Variants in NUDT21 observed in about 807,000 individuals in gnomAD.
The protein encoded by NUDT21 is cleavage and polyadenylation specificity factor subunit 5.
Under a neutral mutation model 29.8 loss-of-function variants are expected in NUDT21, and 5 were observed. The ratio of observed to expected loss-of-function variants is 0.17; its 90% CI spans 0.09 to 0.35. The LOEUF is 0.35. Ranked by LOEUF, NUDT21 falls within the 10% of genes least tolerant of loss-of-function variation. NUDT21 has a pLI of 1.00. For missense variants in NUDT21, 76 were observed against 276.0 expected (o/e 0.28, Z 5.13); for synonymous variants, 113 against 98.5 (o/e 1.15, Z -0.87).
At chr16:56,443,491 T>C (rs991503557) in intron 3 of NUDT21, among the ~76,000 whole-genome samples, 9 of 152,294 alleles carry the variant, frequency 5.9e-5, no homozygotes, top group African/African-American at 1.9e-4. Context: ...ACATTATTTC[T>C]ATAGAAAATT....
chr16:56,445,335 G>T (rs1222026951), intron 3 of NUDT21, among the ~76,000 whole-genome samples: 2 of 152,138 alleles, frequency 1.3e-5, no homozygotes, highest in African/African-American at 4.8e-5. Flanking sequence ...GAGTACACAA[G>T]ATGTTTTGAT....
intron 4 of NUDT21, among the ~76,000 whole-genome samples, chr16:56,438,562 A>C (rs374300055): frequency 6.6e-6 from 1 of 152,230 alleles, no homozygotes; most frequent in East Asian, 1.9e-4. Context: ...CAACTCCCAG[A>C]GGCCTAAAGG....
intron 1 of NUDT21, chr16:56,449,041 A>C (rs1455230190): frequency 6.6e-6 from 1 of 152,236 alleles, no homozygotes; most frequent in Admixed American, 6.5e-5. Context: ...AATTTAAAGA[A>C]CATCCCCGGT....
In NUDT21 at chr16:56,430,871, G is replaced by A. The variant is rs1194023387; in HGVS notation, c.*1841C>T. 1 of 152,222 alleles carries A rather than the reference G, an allele frequency of 6.6e-6. No homozygotes were observed. Among genetic ancestry groups the A allele is most frequent in the African/African-American group, 2.4e-5 (1 of 41,452 alleles). 9.4% of individuals were successfully genotyped at this position (152,222 alleles called of 1,614,324 possible). On this transcript the variant is annotated 3_prime_UTR_variant, in exon 7 of 7. Transcript: ENST00000300291. ...TGGATGACTGGCTCACGTACTTACT[G>A]TATATTGGGAAGAAGTGAAGAAGTG... is the stretch of plus-strand genomic sequence containing the variant.
intron 1 of NUDT21, among the ~76,000 whole-genome samples, chr16:56,450,260 T>C (rs778365721): frequency 1.3e-5 from 2 of 152,186 alleles, no homozygotes; most frequent in Admixed American, 6.5e-5. Flanking sequence ...TTACTGACAA[T>C]TTCTTGATTA....
chr16:56,437,640 G>A (rs1962118034), intron 4 of NUDT21, among the ~76,000 whole-genome samples: 1 of 152,138 alleles, frequency 6.6e-6, no homozygotes, highest in Non-Finnish European at 1.5e-5. Flanking sequence ...GTCCCTACAT[G>A]GTTCCTGGTC....
Position 56,432,694 on chromosome 16 carries a change from TCTC to T in NUDT21, c.*15_*17del. The T allele has an allele frequency of 6.2e-7, 1 of 1,609,406 alleles. No homozygotes were observed. The highest frequency in any genetic ancestry group is 2.2e-5 in the East Asian group (1 of 44,830). On this transcript the variant is annotated 3_prime_UTR_variant, in exon 7 of 7. Transcript: ENST00000300291. ...ACAGAGACAAGCGGCTTCTTTTACT[TCTC>T]CACTGCGCAGGAATTCAGTTGTAAA...
chr16:56,442,966 CCT>C (rs1962176528), intron 3 of NUDT21, among the ~76,000 whole-genome samples: 1 of 152,068 alleles, frequency 6.6e-6, no homozygotes, highest in Admixed American at 6.5e-5. Flanking sequence ...TGCAAAATCT[CCT>C]CTCATCTCAC....
At chr16:56,437,867 T>C (rs959277090) in intron 4 of NUDT21, among the ~76,000 whole-genome samples, 7 of 152,032 alleles carry the variant, frequency 4.6e-5, no homozygotes, top group Non-Finnish European at 8.8e-5. Flanking sequence ...TTCTGAAAAA[T>C]GTTAAGTAAA....
intron 6 of NUDT21, among the ~76,000 whole-genome samples, chr16:56,433,181 C>A (rs143431048): frequency 6.6e-6 from 1 of 152,068 alleles, no homozygotes; most frequent in Admixed American, 6.6e-5. Flanking sequence ...TGATTAGTGA[C>A]GAAGTAGAAA....
intron 3 of NUDT21, 93 bp downstream of exon 3, chr16:56,446,533 A>G (rs531735747): frequency 3.3e-5 from 22 of 660,648 alleles, no homozygotes; most frequent in African/African-American, 3.2e-4. Context: ...ATTGAAAACT[A>G]AATATTCCAA....
At position 56,431,672 on chromosome 16, in the gene NUDT21, C is replaced by T. The variant is rs1403226501; in HGVS notation, c.*1040G>A. The T allele has an allele frequency of 6.6e-6, 1 of 152,140 alleles. No individual in the cohort carries two copies. Among genetic ancestry groups the T allele is most frequent in the Non-Finnish European group, 1.5e-5 (1 of 68,024 alleles). 9.4% of individuals were successfully genotyped at this position (152,140 alleles called of 1,614,324 possible). ...ATTAAATAATGACACAACCAGCAAA[C>T]TCCTTTGCTCTAATATTTTTTATTC... On this transcript the variant is annotated 3_prime_UTR_variant, in exon 7 of 7. Coordinates refer to ENST00000300291, the MANE Select transcript of NUDT21 (RefSeq NM_007006.3).
At position 56,430,663 on chromosome 16, in the gene NUDT21, T is replaced by A. The variant is rs1277619114; in HGVS notation, c.*2049A>T. ...GATTTGATTTCCCCTAATTCTATTA[T>A]TTCCATCAGAAAACCAAAAACAGAT... is the stretch of plus-strand genomic sequence containing the variant. On this transcript the variant is annotated 3_prime_UTR_variant, in exon 7 of 7. Coordinates refer to ENST00000300291, the MANE Select transcript of NUDT21 (RefSeq NM_007006.3). The A allele has an allele frequency of 6.6e-6, 1 of 152,230 alleles. No homozygotes were observed. The highest frequency in any genetic ancestry group is 1.5e-5 in the Non-Finnish European group (1 of 68,044). The allele number at this position is 152,230 out of a possible 1,614,324, so 9.4% of individuals were successfully genotyped here.
At chr16:56,445,065 T>C (rs551717858) in intron 3 of NUDT21, among the ~76,000 whole-genome samples, 2 of 152,106 alleles carry the variant, frequency 1.3e-5, no homozygotes, top group African/African-American at 2.4e-5. Flanking sequence ...GCACCTTTAA[T>C]CCCATCTACT....
intron 1 of NUDT21, among the ~76,000 whole-genome samples, chr16:56,450,509 C>T (rs1223691892): frequency 2.0e-5 from 3 of 152,158 alleles, no homozygotes; most frequent in Admixed American, 2.0e-4. Context: ...AGACATCAGA[C>T]GACGCGAAGG....
At chr16:56,447,729 G>C (rs1962234986) in intron 2 of NUDT21, 60 bp downstream of exon 2, 1 of 1,452,706 alleles carries the variant, frequency 6.9e-7, no homozygotes. Flanking sequence ...GTATTCCAGA[G>C]CTGCATAAAC....
At chr16:56,441,231 CATTTT>C (rs1211396333) in intron 3 of NUDT21, among the ~76,000 whole-genome samples, 9 of 151,644 alleles carry the variant, frequency 5.9e-5, no homozygotes, top group African/African-American at 1.7e-4. Context: ...TCTTGATTTT[CATTTT>C]ATTTTATTTT....
At chr16:56,446,878 C>T in intron 2 of NUDT21, 189 bp from the exon 3 acceptor site, 1 of 462,450 alleles carries the variant, frequency 2.2e-6, no homozygotes, top group South Asian at 4.2e-5. Context: ...TAACAGTATA[C>T]AAACCCTAGG....
chr16:56,434,729 T>A (rs749373209), intron 5 of NUDT21, 25 bp downstream of exon 5: 1 of 1,431,494 alleles, frequency 7.0e-7, no homozygotes, highest in Non-Finnish European at 9.8e-7. Context: ...TTTAGATGGC[T>A]ACCTTTGAAA....
Sources: allele counts gnomAD v4.1 joint callset (sites outside exome capture counted in the v4.1 genomes callset), GRCh38; gene constraint gnomAD v4.1.1; transcripts MANE v1.5; gene names NCBI Gene and HGNC (gene_info 2026-07-23, HGNC 2026-07-21).